SYNM: variants seen among roughly 807,000 people sequenced by gnomAD.
SYNM encodes the protein synemin, also known as desmuslin.
A neutral mutation model predicts 104.0 loss-of-function variants in SYNM; 95 were observed. The ratio of observed to expected loss-of-function variants is 0.91; its 90% CI spans 0.77 to 1.08. The LOEUF is 1.08. Ranked by LOEUF, SYNM falls within the 50% of genes least tolerant of loss-of-function variation. The probability of loss-of-function intolerance (pLI) is 0.00; values close to 1 mark genes in which losing one functional copy is unlikely to be tolerated. For missense variants in SYNM, 2,150 were observed against 2,052.2 expected (o/e 1.05, Z -0.92); for synonymous variants, 918 against 869.0 (o/e 1.06, Z -0.99).
chr15:99,129,249 T>G, intron 3 of SYNM, 118 bp from the exon 4 acceptor site: 5 of 1,385,104 alleles, frequency 3.6e-6, no homozygotes, highest in Non-Finnish European at 4.8e-6. Flanking sequence ...ATGAGCTTTC[T>G]GTGGTAACAG....
intron 3 of SYNM, 155 bp from the exon 4 acceptor site, chr15:99,129,212 G>C: frequency 1.8e-6 from 2 of 1,108,804 alleles, no homozygotes; most frequent in Non-Finnish European, 2.5e-6. Flanking sequence ...AAAATAATTT[G>C]GGCACCAAAT....
intron 1 of SYNM, among the ~76,000 whole-genome samples, chr15:99,106,797 C>A (rs1329855199): frequency 1.3e-5 from 2 of 152,224 alleles, no homozygotes; most frequent in East Asian, 3.8e-4. Flanking sequence ...GCGTTTGGCC[C>A]TCGCCCTGCC....
the SYNM span, among the ~76,000 whole-genome samples, chr15:99,141,216 TA>T: frequency 6.6e-6 from 1 of 152,196 alleles, no homozygotes; most frequent in South Asian, 2.1e-4. Context: ...ATATATTATA[TA>T]TGTATGTGAT....
At chr15:99,117,174 A>G (rs62025377) in intron 2 of SYNM, among the ~76,000 whole-genome samples, 3,681 of 105,422 alleles carry the variant, frequency 0.035, 589 homozygotes, top group Non-Finnish European at 0.059. Context: ...ACCGTATCAA[A>G]TCCTTAGTTT....
At chr15:99,114,157 G>T (rs1030458159) in intron 2 of SYNM, among the ~76,000 whole-genome samples, 2 of 152,196 alleles carry the variant, frequency 1.3e-5, no homozygotes, top group African/African-American at 4.8e-5. Context: ...ATTTACAAAG[G>T]AAAGAGGTTT....
At chr15:99,120,752 C>T (rs76302204) in intron 2 of SYNM, among the ~76,000 whole-genome samples, 10,389 of 152,188 alleles carry the variant, frequency 0.068, 396 homozygotes, top group Admixed American at 0.11. Flanking sequence ...TTGTGAGAAT[C>T]AGGGGAGGCT....
chr15:99,113,046 C>T (rs1460869440), intron 1 of SYNM, among the ~76,000 whole-genome samples: 1 of 152,178 alleles, frequency 6.6e-6, no homozygotes, highest in Non-Finnish European at 1.5e-5. Flanking sequence ...TGTAGTTTGT[C>T]ATTTATGCCC....
chr15:99,138,050 G>C, downstream of SYNM: 1 of 1,614,052 alleles, frequency 6.2e-7, no homozygotes, highest in Non-Finnish European at 8.5e-7. Context: ...CCCCAGCAGG[G>C]TGTCCTGAGG....
At chr15:99,127,301 C>G (rs901017446) in intron 3 of SYNM, among the ~76,000 whole-genome samples, 2 of 152,140 alleles carry the variant, frequency 1.3e-5, no homozygotes, top group African/African-American at 4.8e-5. Context: ...GTCCTGGTGC[C>G]TTGAAGACTA....
Position 99,129,723 on chromosome 15 carries a change from A to C in SYNM, c.1363A>C (p.Arg455=). The change falls in exon 4 of 4, where the codon AGG becomes CGG. Residue 455 remains arginine, a synonymous_variant. Transcript: ENST00000336292. ...FPDRPKAGDT[R]EVPVYIGEDS... is the part of the protein sequence containing the mutation. ...TGACAGACCAAAAGCCGGAGATACAAGGGAGGTCCCCGTTTACATAGGTGA... is the reference window on the plus strand; with the variant it reads ...TGACAGACCAAAAGCCGGAGATACACGGGAGGTCCCCGTTTACATAGGTGA... 1 of 1,613,812 alleles carries C rather than the reference A, an allele frequency of 6.2e-7. No homozygotes were observed. The highest frequency in any genetic ancestry group is 8.5e-7 in the Non-Finnish European group (1 of 1,179,908).
chr15:99,117,260 G>A (rs1005223007), intron 2 of SYNM, among the ~76,000 whole-genome samples: 2 of 152,166 alleles, frequency 1.3e-5, no homozygotes, highest in African/African-American at 2.4e-5. Context: ...GGTGGGGCCC[G>A]AACAGCTCCA....
downstream of SYNM, chr15:99,140,580 G>C (rs1427163234): frequency 6.6e-6 from 1 of 152,136 alleles, no homozygotes; most frequent in African/African-American, 2.4e-5. Context: ...ATGTTGGCCA[G>C]GCTGGTCTCA....
chr15:99,105,233 A>C lies in SYNM; in HGVS notation c.34A>C (p.Lys12Gln). 6.4e-7 allele frequency: 1 copy of C among 1,574,378 alleles called. No homozygotes were observed. The highest frequency in any genetic ancestry group is 8.6e-7 in the Non-Finnish European group (1 of 1,161,312). ...CTGGCGGCTGCAGACGGGCCCCGAG[A>C]AGGCCGAGCTCCAGGAGCTCAACGC... is the stretch of plus-strand genomic sequence containing the variant. ...LSWRLQTGPEKAELQELNARL... is the reference protein window; with the variant it reads ...LSWRLQTGPEQAELQELNARL... Residue 12 changes from lysine (K) to glutamine (Q), a missense_variant, in exon 1 of 4, where the codon AAG becomes CAG. Lys to Gln is a moderately conservative substitution (Grantham distance 53, BLOSUM62 1). Transcript: ENST00000336292.
In SYNM at chr15:99,131,090, A is replaced by T; in HGVS notation, c.2730A>T (p.Gln910His). The T allele has an allele frequency of 6.2e-7, 1 of 1,604,438 alleles. No homozygotes were observed. The highest frequency in any genetic ancestry group is 1.3e-5 in the African/African-American group (1 of 74,872). ...GDLGSTHWKEQARSGEFHAEP... is the reference protein window; with the variant it reads ...GDLGSTHWKEHARSGEFHAEP... ...TGGGTTCCACTCACTGGAAAGAACA[A>T]GCTAGAAGCGGTGAATTTCATGCCG... Residue 910 changes from glutamine to histidine, a missense_variant, in exon 4 of 4, where the codon CAA (glutamine) becomes CAT (histidine). By Grantham distance (24) the Gln-to-His change is conservative (BLOSUM62 0). Transcript: ENST00000336292. The surrounding 1 kb of genome is among the most constrained non-coding windows in gnomAD (Gnocchi z 4.3).
chr15:99,115,417 T>C (rs199934834), intron 2 of SYNM, among the ~76,000 whole-genome samples: 1 of 51,952 alleles, frequency 1.9e-5, no homozygotes, highest in Non-Finnish European at 4.5e-5. Flanking sequence ...ATTTTTTTTT[T>C]CATTTTTTTT....
At chr15:99,107,170 G>T (rs1162423425) in intron 1 of SYNM, among the ~76,000 whole-genome samples, 1 of 152,192 alleles carries the variant, frequency 6.6e-6, no homozygotes, top group African/African-American at 2.4e-5. Context: ...TGTGGGTTTT[G>T]TTTGGCTTCC....
rs180787652 is a variant in SYNM, at chr15:99,132,393, G to C, written c.4033G>C (p.Gly1345Arg). The change falls in exon 4 of 4, where the codon GGA (glycine) becomes CGA (arginine). Residue 1345 changes from glycine (G) to arginine (R), a missense_variant. Transcript: ENST00000336292. ...TGGTGACTCAGAGAGCACTGTGCAC[G>C]GAGAGGGCTCAGCAGATGTGCACCA... ...ESGDSESTVHGEGSADVHQAT... is the reference protein window; with the variant it reads ...ESGDSESTVHREGSADVHQAT... 7 of 1,613,844 alleles carry C rather than the reference G, an allele frequency of 4.3e-6. No homozygotes were observed. The African/African-American group carries it at 9.3e-5, about 22-fold the overall frequency.
the SYNM span, among the ~76,000 whole-genome samples, chr15:99,141,407 T>TA: frequency 6.6e-6 from 1 of 152,146 alleles, no homozygotes; most frequent in Non-Finnish European, 1.5e-5. Flanking sequence ...ATGGGAATGA[T>TA]ATCAAATTTA....
intron 1 of SYNM, among the ~76,000 whole-genome samples, chr15:99,106,884 T>G (rs2067250426): frequency 6.6e-6 from 1 of 152,262 alleles, no homozygotes; most frequent in African/African-American, 2.4e-5. Flanking sequence ...AAATAACATC[T>G]GCACAATTTC....
Sources: gnomAD v4.1 joint callset for allele counts (sites outside exome capture counted in the v4.1 genomes callset) on GRCh38, gnomAD v4.1.1 for gene constraint, Gnocchi (gnomAD v3.1) non-coding constraint, MANE v1.5 for transcripts, NCBI Gene and HGNC (gene_info 2026-07-23, HGNC 2026-07-21) for gene names.